GRID2: variants seen among roughly 807,000 people sequenced by gnomAD.
The protein encoded by GRID2 is glutamate ionotropic receptor delta type subunit 2.
A neutral mutation model predicts 114.8 loss-of-function variants in GRID2; 33 were observed. The observed-to-expected ratio is 0.29, with a 90% CI of 0.22 to 0.38. The LOEUF (loss-of-function observed/expected upper bound fraction) is 0.38. GRID2 is among the 10% of genes least tolerant of loss of function. The pLI is 1.00. For missense variants in GRID2, 1,184 were observed against 1,257.7 expected (o/e 0.94, Z 0.89); for synonymous variants, 505 against 449.9 (o/e 1.12, Z -1.55).
At chr4:93,199,737 C>A (rs1343879802) in intron 4 of GRID2, among the ~76,000 whole-genome samples, 1 of 152,118 alleles carries the variant, frequency 6.6e-6, no homozygotes, top group African/African-American at 2.4e-5. Flanking sequence ...TCAGAATATC[C>A]CCATGCTGCC....
chr4:92,806,476 T>C (rs928298261), intron 2 of GRID2, among the ~76,000 whole-genome samples: 10 of 151,954 alleles, frequency 6.6e-5, no homozygotes, highest in Admixed American at 1.3e-4. Flanking sequence ...TATGTATTTT[T>C]TTAAGAAAAT....
At chr4:93,455,640 C>G (rs373188556) in intron 10 of GRID2, 22 bp from the exon 11 acceptor site, 53 of 1,547,386 alleles carry the variant, frequency 3.4e-5, no homozygotes, top group Non-Finnish European at 4.5e-5. Flanking sequence ...TTAATGTATT[C>G]CTTTCTCTTT....
At chr4:92,501,077 TC>T (rs2149123112) in intron 1 of GRID2, among the ~76,000 whole-genome samples, 1 of 152,286 alleles carries the variant, frequency 6.6e-6, no homozygotes, top group Admixed American at 6.5e-5. Flanking sequence ...CCCTGAAGAT[TC>T]TTCTCTCAGG....
At chr4:92,793,960 C>T (rs924497250) in intron 2 of GRID2, among the ~76,000 whole-genome samples, 4 of 151,704 alleles carry the variant, frequency 2.6e-5, no homozygotes, top group Admixed American at 6.6e-5. Flanking sequence ...GGTTACTGCA[C>T]AAATTTTTAG....
At chr4:93,446,633 A>G (rs1722119495) in intron 10 of GRID2, among the ~76,000 whole-genome samples, 1 of 152,064 alleles carries the variant, frequency 6.6e-6, no homozygotes, top group South Asian at 2.1e-4. Flanking sequence ...CCAAGGGGGC[A>G]CTGTCTCTCA....
chr4:93,368,744 A>G (rs1467535508), intron 8 of GRID2, among the ~76,000 whole-genome samples: 1 of 152,202 alleles, frequency 6.6e-6, no homozygotes, highest in Non-Finnish European at 1.5e-5. Flanking sequence ...AATTGGAATA[A>G]GAATCAAATG....
chr4:92,658,576 C>T (rs1385476461), intron 2 of GRID2, among the ~76,000 whole-genome samples: 2 of 151,582 alleles, frequency 1.3e-5, no homozygotes, highest in East Asian at 3.9e-4. Context: ...GTCCTGATGT[C>T]AGAGAGAAGA....
intron 7 of GRID2, among the ~76,000 whole-genome samples, chr4:93,235,381 C>T (rs1462117759): frequency 2.0e-5 from 3 of 152,000 alleles, no homozygotes; most frequent in Admixed American, 1.3e-4. Context: ...GCTGCATCAC[C>T]AAGAGATAAA....
chr4:92,314,582 A>G (rs1372456967), intron 1 of GRID2, among the ~76,000 whole-genome samples: 1 of 152,186 alleles, frequency 6.6e-6, no homozygotes, highest in Non-Finnish European at 1.5e-5. Flanking sequence ...ACACTTTTCA[A>G]CACTGACATC....
At chr4:92,522,627 C>G (rs1724844477) in intron 1 of GRID2, among the ~76,000 whole-genome samples, 1 of 151,872 alleles carries the variant, frequency 6.6e-6, no homozygotes, top group African/African-American at 2.4e-5. Flanking sequence ...GGTGAGTAGT[C>G]AAGTTATTTA....
At chr4:92,385,003 G>A (rs1466948898) in intron 1 of GRID2, among the ~76,000 whole-genome samples, 2 of 151,242 alleles carry the variant, frequency 1.3e-5, no homozygotes, top group Non-Finnish European at 3.0e-5. Context: ...TATGTACTGG[G>A]AAATGTCAGG....
intron 13 of GRID2, among the ~76,000 whole-genome samples, chr4:93,612,557 T>G (rs1741065909): frequency 1.1e-5 from 1 of 94,978 alleles, no homozygotes; most frequent in Non-Finnish European, 2.1e-5. Context: ...ATTTTATTTC[T>G]CCTTCACTTA....
At chr4:92,806,184 CA>C (rs1740406182) in intron 2 of GRID2, among the ~76,000 whole-genome samples, 1 of 150,868 alleles carries the variant, frequency 6.6e-6, no homozygotes, top group African/African-American at 2.4e-5. Context: ...CACACACACA[CA>C]CACACACACA....
chr4:92,551,028 G>A (rs1726559409), intron 1 of GRID2, among the ~76,000 whole-genome samples: 1 of 152,048 alleles, frequency 6.6e-6, no homozygotes, highest in African/African-American at 2.4e-5. Context: ...GTTAAATGGG[G>A]ATCACTAAAA....
chr4:93,491,772 T>G lies in GRID2; in HGVS notation c.1997+995T>G, dbSNP rs184649185. Among the ~76,000 whole-genome samples the G allele has an allele frequency of 6.2e-4, 94 of 151,980 alleles. No homozygotes were observed. In the East Asian group the frequency reaches 0.012, roughly 19 times the overall value. ...CTTTTAAAAAGAATGTAAATTAAAT[T>G]CATTAGTAGCCACAAAACTATTATA... is the stretch of plus-strand genomic sequence containing the variant. On this transcript the variant is annotated intron_variant, in intron 12 of 15. Transcript: ENST00000282020.
At chr4:93,263,211 T>G (rs1345208355) in intron 8 of GRID2, among the ~76,000 whole-genome samples, 1 of 152,042 alleles carries the variant, frequency 6.6e-6, no homozygotes, top group East Asian at 1.9e-4. Flanking sequence ...TTAATCATGT[T>G]TATCTAATGG....
chr4:93,217,858 T>A (rs974095315), intron 6 of GRID2, among the ~76,000 whole-genome samples: 12 of 152,068 alleles, frequency 7.9e-5, no homozygotes, highest in African/African-American at 2.9e-4. Flanking sequence ...ATGGCCAATC[T>A]TAGAAGTAAG....
intron 8 of GRID2, chr4:93,258,852 A>G (rs781379954): frequency 1.1e-4 from 49 of 451,090 alleles, no homozygotes; most frequent in Admixed American, 2.4e-4. Flanking sequence ...AACAAACACA[A>G]CTACTGCAAG....
At chr4:93,451,850 A>C (rs557046079) in intron 10 of GRID2, among the ~76,000 whole-genome samples, 1 of 152,278 alleles carries the variant, frequency 6.6e-6, no homozygotes, top group South Asian at 2.1e-4. Flanking sequence ...TTATATAAAA[A>C]GACACCATTA....
Sources: gnomAD v4.1 joint callset for allele counts (sites outside exome capture counted in the v4.1 genomes callset) on GRCh38, gnomAD v4.1.1 for gene constraint, MANE v1.5 for transcripts, NCBI Gene and HGNC (gene_info 2026-07-23, HGNC 2026-07-21) for gene names.